The following SUGCT variants were observed in gnomAD, a reference collection of about 807,000 sequenced individuals.
The protein encoded by SUGCT is succinyl-CoA:glutarate-CoA transferase.
SUGCT carries 41 observed loss-of-function variants against 55.0 expected under a neutral mutation model. The ratio of observed to expected loss-of-function variants is 0.74; its 90% confidence interval spans 0.58 to 0.97. The LOEUF (loss-of-function observed/expected upper bound fraction) is 0.97. SUGCT is among the 50% of genes least tolerant of loss of function. The pLI is 0.00. For missense variants in SUGCT, 568 were observed against 547.8 expected, an observed-to-expected ratio of 1.04 and a Z score of -0.37; for synonymous variants, 187 against 200.4, an observed-to-expected ratio of 0.93 and a Z score of 0.56.
the SUGCT span, among the ~76,000 whole-genome samples, chr7:40,897,752 C>G: frequency 6.6e-6 from 1 of 152,118 alleles, no homozygotes; most frequent in African/African-American, 2.4e-5. Flanking sequence ...ACTTGGAGAA[C>G]CTTTGTGTCT....
intron 13 of SUGCT, among the ~76,000 whole-genome samples, chr7:40,775,366 A>C (rs1789398192): frequency 6.6e-6 from 1 of 152,200 alleles, no homozygotes; most frequent in African/African-American, 2.4e-5. Flanking sequence ...CTTTGGCAGG[A>C]CATAGAGTCC....
rs561966661 is a variant in SUGCT, at chr7:40,742,556, G to A, written c.1090-6878G>A. Among the ~76,000 whole-genome samples, 30 of 152,144 alleles carry A rather than the reference G, an allele frequency of 2.0e-4. No homozygotes were observed. In the South Asian group the frequency reaches 4.2e-3, roughly 21 times the overall value. On this transcript the variant is annotated intron_variant, in intron 12 of 13. Coordinates refer to ENST00000335693, the MANE Select transcript of SUGCT (RefSeq NM_001193313.2). Reference sequence around the variant, plus strand: ...AATGCTGCCGCTCATCTGACAGGAGGCGGAGCTCAAGCTGTAATGCTCCTT... The same window carrying A: ...AATGCTGCCGCTCATCTGACAGGAGACGGAGCTCAAGCTGTAATGCTCCTT...
At chr7:40,214,490 C>G (rs993791055) in intron 6 of SUGCT, among the ~76,000 whole-genome samples, 1 of 152,156 alleles carries the variant, frequency 6.6e-6, no homozygotes, top group Non-Finnish European at 1.5e-5. Flanking sequence ...CAGGATTACT[C>G]TGCCACTAAA....
intron 11 of SUGCT, among the ~76,000 whole-genome samples, chr7:40,486,276 T>C (rs1791341644): frequency 6.6e-6 from 1 of 152,208 alleles, no homozygotes; most frequent in African/African-American, 2.4e-5. Context: ...TTGTTTGTAA[T>C]AATCTCTCAT....
intron 13 of SUGCT, among the ~76,000 whole-genome samples, chr7:40,821,829 G>T (rs935670584): frequency 1.3e-5 from 2 of 152,034 alleles, no homozygotes; most frequent in African/African-American, 4.8e-5. Context: ...GTTTGCTCTT[G>T]CTTCTCTAGT....
chr7:40,597,450 T>C (rs1415124942), intron 12 of SUGCT, among the ~76,000 whole-genome samples: 1 of 152,208 alleles, frequency 6.6e-6, no homozygotes, highest in Non-Finnish European at 1.5e-5. Flanking sequence ...TGATCTACTT[T>C]ACAAGCTTGA....
intron 7 of SUGCT, among the ~76,000 whole-genome samples, chr7:40,245,016 C>A (rs1182886014): frequency 6.6e-6 from 1 of 152,004 alleles, no homozygotes; most frequent in Non-Finnish European, 1.5e-5. Flanking sequence ...CAGAGATATT[C>A]TATTCAAAAC....
chr7:40,238,673 C>A (rs903946773), intron 7 of SUGCT, among the ~76,000 whole-genome samples: 1 of 151,620 alleles, frequency 6.6e-6, no homozygotes, highest in Admixed American at 6.6e-5. Flanking sequence ...TAATTATTTT[C>A]CTTTGCCTCT....
the SUGCT span, among the ~76,000 whole-genome samples, chr7:40,956,295 C>T: frequency 6.6e-6 from 1 of 152,050 alleles, no homozygotes; most frequent in Admixed American, 6.6e-5. Context: ...ATTAGTGCCT[C>T]AATTTCAGAA....
the SUGCT span, among the ~76,000 whole-genome samples, chr7:40,961,727 G>T: frequency 6.6e-6 from 1 of 152,128 alleles, no homozygotes; most frequent in Non-Finnish European, 1.5e-5. Flanking sequence ...GATGTGTCCA[G>T]AGTTTCTTCC....
intron 12 of SUGCT, among the ~76,000 whole-genome samples, chr7:40,612,931 G>A (rs1455121304): frequency 6.6e-6 from 1 of 152,102 alleles, no homozygotes; most frequent in African/African-American, 2.4e-5. Flanking sequence ...TTAGGAGTTC[G>A]AGAACAGCCT....
intron 7 of SUGCT, among the ~76,000 whole-genome samples, chr7:40,273,859 T>C (rs1792275892): frequency 6.6e-6 from 1 of 152,150 alleles, no homozygotes; most frequent in Non-Finnish European, 1.5e-5. Context: ...TATACCCAGA[T>C]AGTTGCAAAG....
intron 13 of SUGCT, among the ~76,000 whole-genome samples, chr7:40,804,270 G>A (rs1166708979): frequency 1.3e-5 from 2 of 152,114 alleles, no homozygotes; most frequent in Non-Finnish European, 2.9e-5. Flanking sequence ...GCTTACTTGA[G>A]CAATACAGCA....
At chr7:40,516,697 T>G (rs1471042971) in intron 12 of SUGCT, among the ~76,000 whole-genome samples, 1 of 152,134 alleles carries the variant, frequency 6.6e-6, no homozygotes, top group South Asian at 2.1e-4. Context: ...ATATCTATCC[T>G]TTTGCCCATA....
chr7:40,802,208 A>C (rs1193991621), intron 13 of SUGCT, among the ~76,000 whole-genome samples: 1 of 152,110 alleles, frequency 6.6e-6, no homozygotes, highest in Non-Finnish European at 1.5e-5. Context: ...CAGACAAATG[A>C]ATTGAAGATA....
At chr7:40,272,795 G>C (rs1285659575) in intron 7 of SUGCT, among the ~76,000 whole-genome samples, 1 of 151,586 alleles carries the variant, frequency 6.6e-6, no homozygotes, top group Non-Finnish European at 1.5e-5. Flanking sequence ...GAGTAGCCGG[G>C]ATTACATATA....
At position 40,572,066 on chromosome 7, in the gene SUGCT, C is replaced by T. The variant is rs74789976; in HGVS notation, c.1089+75680C>T. 5.8e-3 allele frequency among the ~76,000 whole-genome samples: 886 copies of T among 152,210 alleles called. 5 individuals carry two copies. Among genetic ancestry groups the T allele is most frequent in the African/African-American group, 0.02 (810 of 41,536 alleles). ...GTTGGATGAGTGCTGACAGCTGTCC[C>T]GAATGTGGCATCTTGTTTCCTACGG... On this transcript the variant is annotated intron_variant, in intron 12 of 13. Coordinates refer to ENST00000335693, the MANE Select transcript of SUGCT (RefSeq NM_001193313.2).
chr7:40,585,034 A>G (rs1797302952), intron 12 of SUGCT, among the ~76,000 whole-genome samples: 1 of 152,164 alleles, frequency 6.6e-6, no homozygotes, highest in Non-Finnish European at 1.5e-5. Context: ...TCACCCTTCA[A>G]TAGTTCTCAG....
At chr7:40,503,784 GAA>G (rs1792433867) in intron 12 of SUGCT, among the ~76,000 whole-genome samples, 1 of 152,272 alleles carries the variant, frequency 6.6e-6, no homozygotes, top group African/African-American at 2.4e-5. Context: ...ATGTCAGAAA[GAA>G]AAGAAATCGA....
Sources: allele counts gnomAD v4.1 joint callset (sites outside exome capture counted in the v4.1 genomes callset), GRCh38; gene constraint gnomAD v4.1.1; transcripts MANE v1.5; gene names NCBI Gene and HGNC (gene_info 2026-07-23, HGNC 2026-07-21).